Variants in PRICKLE2 observed in about 807,000 individuals in gnomAD.
PRICKLE2 encodes the protein prickle-like protein 2.
Under a neutral mutation model 81.4 loss-of-function variants are expected in PRICKLE2, and 21 were observed. That is an observed-to-expected ratio of 0.26 (90% CI 0.18 to 0.37). The LOEUF is 0.37. PRICKLE2 is among the 10% of genes least tolerant of loss of function. The pLI is 1.00. For synonymous variants in PRICKLE2, 456 were observed against 421.5 expected (o/e 1.08, Z -1.00); for missense variants, 940 against 1,109.0 (o/e 0.85, Z 2.16).
At chr3:64,146,775 C>T in intron 7 of PRICKLE2, 55 bp downstream of exon 7, 1 of 1,598,452 alleles carries the variant, frequency 6.3e-7, no homozygotes, top group East Asian at 2.2e-5. Context: ...GACCAGCATC[C>T]AGTCACCCAG....
At chr3:64,179,930 C>T (rs1041599592) in intron 2 of PRICKLE2, among the ~76,000 whole-genome samples, 1 of 152,204 alleles carries the variant, frequency 6.6e-6, no homozygotes, top group Non-Finnish European at 1.5e-5. Flanking sequence ...GGATTACACT[C>T]TGTCCTATGT....
intron 2 of PRICKLE2, among the ~76,000 whole-genome samples, chr3:64,193,677 G>A (rs2078391506): frequency 6.6e-6 from 1 of 152,158 alleles, no homozygotes; most frequent in Non-Finnish European, 1.5e-5. Flanking sequence ...ATTCCCATGT[G>A]TTGTGGGAGG....
At chr3:64,150,525 C>T (rs994235320) in intron 6 of PRICKLE2, among the ~76,000 whole-genome samples, 3 of 152,118 alleles carry the variant, frequency 2.0e-5, no homozygotes, top group African/African-American at 7.2e-5. Context: ...GTCTCTCCTG[C>T]CCTCTCCCAC....
chr3:64,203,161 C>G (rs562304477), intron 1 of PRICKLE2, among the ~76,000 whole-genome samples: 2 of 152,276 alleles, frequency 1.3e-5, no homozygotes, highest in South Asian at 4.1e-4. Context: ...CTCATCAAAT[C>G]AGAAATATAC....
chr3:64,129,989 C>T (rs544710331), intron 7 of PRICKLE2, among the ~76,000 whole-genome samples: 1 of 152,258 alleles, frequency 6.6e-6, no homozygotes, highest in East Asian at 1.9e-4. Flanking sequence ...CTGATGTCAC[C>T]AAGAGTTTTT....
chr3:64,147,026 A>G lies in PRICKLE2; in HGVS notation c.1464T>C (p.Ser488=). The G allele has an allele frequency of 6.2e-7, 1 of 1,614,060 alleles. No individual in the cohort carries two copies. Among genetic ancestry groups the G allele is most frequent in the Non-Finnish European group, 8.5e-7 (1 of 1,180,018 alleles). ...TGCCTCGGGTCTCACTGAAACTCTG[A>G]CTAGACATATCACTGTAGCTCTCCT... The part of the protein sequence containing the change: ...RSQESYSDMS[S]QSFSETRGSI... Residue 488 remains serine (S), a synonymous_variant, in exon 7 of 8, where the codon AGT becomes AGC. Transcript: ENST00000638394. The surrounding 1 kb of genome is among the most constrained non-coding windows in gnomAD (Gnocchi z 5.0).
intron 2 of PRICKLE2, among the ~76,000 whole-genome samples, chr3:64,193,678 T>C (rs973922657): frequency 2.6e-5 from 4 of 152,194 alleles, no homozygotes; most frequent in Non-Finnish European, 5.9e-5. Context: ...TTCCCATGTG[T>C]TGTGGGAGGT....
intron 2 of PRICKLE2, among the ~76,000 whole-genome samples, chr3:64,266,969 C>G (rs1482074946): frequency 6.6e-6 from 1 of 151,972 alleles, no homozygotes; most frequent in Non-Finnish European, 1.5e-5. Flanking sequence ...AACTGACCCT[C>G]TGCATTCGAT....
At chr3:64,157,491 T>C in intron 4 of PRICKLE2, 126 bp from the exon 5 acceptor site, 1 of 979,724 alleles carries the variant, frequency 1.0e-6, no homozygotes. Flanking sequence ...GTCACTATGC[T>C]TCCTGCTTTA....
intron 7 of PRICKLE2, among the ~76,000 whole-genome samples, chr3:64,121,324 G>A (rs946010605): frequency 6.6e-6 from 1 of 152,120 alleles, no homozygotes; most frequent in Admixed American, 6.5e-5. Context: ...CAGTGCAGTA[G>A]GAATTTTCAG....
Position 64,147,502 on chromosome 3 carries a change from T to C in PRICKLE2, c.988A>G (p.Arg330Gly), listed in dbSNP as rs778386656. The change falls in exon 7 of 8, where the codon AGG (arginine) becomes GGG (glycine). Residue 330 changes from arginine to glycine, a missense_variant. Around this residue, in one of 2 missense-constraint regions of PRICKLE2, gnomAD observed 670 missense variants for 717.2 expected, o/e 0.93. Coordinates refer to ENST00000638394, the MANE Select transcript of PRICKLE2 (RefSeq NM_198859.4). This position sits in a 1 kb window ranked among gnomAD's most constrained non-coding sequence, Gnocchi z 5.0. ...GCACTGCGCCGGGACTCCTTGGCCC[T>C]GGCGTTCTGGAAGGCGGAATCAGAG... ...DSSDSAFQNA[R>G]AKESRRSAKI... 6.2e-7 allele frequency: 1 copy of C among 1,614,252 alleles called. No individual in the cohort carries two copies. The highest frequency in any genetic ancestry group is 1.1e-5 in the South Asian group (1 of 91,088).
At chr3:64,224,005 G>C (rs1288286151) in intron 1 of PRICKLE2, among the ~76,000 whole-genome samples, 4 of 152,182 alleles carry the variant, frequency 2.6e-5, no homozygotes, top group Admixed American at 6.6e-5. Flanking sequence ...TGGCACACTG[G>C]AGCCCTCCCC....
chr3:64,198,258 A>AT (rs1359385151), intron 2 of PRICKLE2, among the ~76,000 whole-genome samples: 1 of 139,298 alleles, frequency 7.2e-6, no homozygotes, highest in African/African-American at 2.9e-5. Context: ...AAATAAATAA[A>AT]ACAAAAAAAA....
At chr3:64,159,903 G>A in intron 4 of PRICKLE2, 37 bp downstream of exon 4, 1 of 1,613,230 alleles carries the variant, frequency 6.2e-7, no homozygotes, top group Non-Finnish European at 8.5e-7. Context: ...AAAGATGCCA[G>A]AACAATGCCT....
chr3:64,188,908 T>C (rs1303535748), intron 2 of PRICKLE2, among the ~76,000 whole-genome samples: 3 of 152,206 alleles, frequency 2.0e-5, no homozygotes, highest in African/African-American at 7.2e-5. Context: ...CTCCAGATCA[T>C]ATCACCCTTT....
At chr3:64,235,380 C>A (rs529733980) in intron 2 of PRICKLE2, among the ~76,000 whole-genome samples, 2 of 152,170 alleles carry the variant, frequency 1.3e-5, no homozygotes, top group East Asian at 3.9e-4. Context: ...ACATTTGGAC[C>A]CTCTCACGGG....
intron 1 of PRICKLE2, among the ~76,000 whole-genome samples, chr3:64,202,331 A>G (rs1391391812): frequency 6.6e-6 from 1 of 152,224 alleles, no homozygotes; most frequent in Non-Finnish European, 1.5e-5. Context: ...TTGTAGATCA[A>G]TTTATTAATC....
intron 2 of PRICKLE2, among the ~76,000 whole-genome samples, chr3:64,237,434 T>C (rs1356157836): frequency 6.6e-6 from 1 of 152,052 alleles, no homozygotes; most frequent in Admixed American, 6.5e-5. Flanking sequence ...AGTTCGGCCA[T>C]CTCCGGCCGA....
intron 2 of PRICKLE2, among the ~76,000 whole-genome samples, chr3:64,266,027 A>T (rs865834237): frequency 3.3e-5 from 5 of 152,304 alleles, no homozygotes; most frequent in Middle Eastern, 6.8e-3. Flanking sequence ...CAGAGGCTTG[A>T]AAGCCTGTGT....
Sources: allele counts gnomAD v4.1 joint callset (sites outside exome capture counted in the v4.1 genomes callset), GRCh38; gene constraint gnomAD v4.1.1; regional missense constraint gnomAD v4.1.1; non-coding constraint Gnocchi (gnomAD v3.1); transcripts MANE v1.5; gene names NCBI Gene and HGNC (gene_info 2026-07-23, HGNC 2026-07-21).